CLPTM1L: variants seen among roughly 807,000 people sequenced by gnomAD.
CLPTM1L encodes the protein lipid scramblase CLPTM1L.
CLPTM1L carries 38 observed loss-of-function variants against 70.9 expected under a neutral mutation model. That is an observed-to-expected ratio of 0.54 (90% confidence interval 0.41 to 0.70). CLPTM1L has a LOEUF of 0.70. CLPTM1L is among the 30% of genes least tolerant of loss of function. The probability of loss-of-function intolerance (pLI) is 0.00; values close to 1 mark genes in which losing one functional copy is unlikely to be tolerated. For missense variants in CLPTM1L, 652 were observed against 705.9 expected, an observed-to-expected ratio of 0.92 and a Z score of 0.87; for synonymous variants, 339 against 299.9, an observed-to-expected ratio of 1.13 and a Z score of -1.35.
At chr5:1,338,404 G>C (rs1390294809) in intron 4 of CLPTM1L, 3 of 254,736 alleles carry the variant, frequency 1.2e-5, no homozygotes, top group Non-Finnish European at 2.2e-5. Flanking sequence ...TGTGGCGCAG[G>C]AGTTGGGGGG....
At chr5:1,343,731 T>A (rs1020492392) in intron 2 of CLPTM1L, among the ~76,000 whole-genome samples, 2 of 152,192 alleles carry the variant, frequency 1.3e-5, no homozygotes, top group African/African-American at 4.8e-5. Flanking sequence ...GAGTCCAGCA[T>A]GAGTCTCAAA....
rs755974954 is a variant in CLPTM1L, at chr5:1,321,812, A to G, written c.1323T>C (p.Tyr441=). Residue 441 remains tyrosine (Y), a synonymous_variant, in exon 14 of 17, where the codon TAT becomes TAC. Transcript: ENST00000320895. ...WLINSFVNGV[Y]AFGFLFMLPQ... is the part of the protein sequence containing the mutation. ...GCAGCATGAAGAGGAAACCAAAGGC[A>G]TAGACCCCTGCAGAAAGACAGACAG... 3.1e-6 allele frequency: 5 copies of G among 1,613,778 alleles called. No homozygotes were observed. The highest frequency in any genetic ancestry group is 1.3e-5 in the African/African-American group (1 of 74,932).
chr5:1,342,008 T>TGGTGTG lies in CLPTM1L; in HGVS notation c.264-149_264-148insCACACC. On this transcript the variant is annotated intron_variant, in intron 2 of 16. Transcript: ENST00000320895. This position sits in a 1 kb window ranked among gnomAD's most constrained non-coding sequence, Gnocchi z 4.3. ...ACCCACCTGCCCAGGGCTTTACGAG[T>TGGTGTG]CGTGTGTGTGTGTGTGTGTGTGTGT... is the stretch of plus-strand genomic sequence containing the variant. 1.8e-6 allele frequency: 1 copy of TGGTGTG among 564,178 alleles called. No individual in the cohort carries two copies. Among genetic ancestry groups the TGGTGTG allele is most frequent in the Non-Finnish European group, 3.0e-6 (1 of 332,376 alleles). The allele number at this position is 564,178 out of a possible 1,614,324, so 34.9% of individuals were successfully genotyped here.
intron 9 of CLPTM1L, among the ~76,000 whole-genome samples, chr5:1,327,862 C>G (rs1298404547): frequency 1.4e-3 from 184 of 132,876 alleles, no homozygotes; most frequent in African/African-American, 2.7e-3. Context: ...CCTCTACAGA[C>G]ACATTTCATC....
intron 13 of CLPTM1L, 91 bp from the exon 14 acceptor site, chr5:1,321,910 G>T: frequency 8.4e-7 from 1 of 1,183,788 alleles, no homozygotes; most frequent in Non-Finnish European, 1.2e-6. Context: ...GGAGGGCCGA[G>T]CTGCCACGTC....
At chr5:1,333,684 T>A (rs1753334946) in intron 7 of CLPTM1L, among the ~76,000 whole-genome samples, 1 of 96,948 alleles carries the variant, frequency 1.0e-5, no homozygotes, top group South Asian at 3.5e-4. Context: ...GGGGGACTAC[T>A]GTAGACACAC....
intron 3 of CLPTM1L, among the ~76,000 whole-genome samples, chr5:1,341,107 G>C (rs1455669788): frequency 6.6e-6 from 1 of 152,228 alleles, no homozygotes; most frequent in Admixed American, 6.5e-5. Flanking sequence ...ACACAAAGGT[G>C]GGTGTCAGAA....
rs1579643163 is a variant in CLPTM1L, at chr5:1,333,785, C to G, written c.891+504G>C. On this transcript the variant is annotated intron_variant, in intron 7 of 16. Transcript: ENST00000320895. ...CACACCGGATGAGGATAAGGGGGGACTACTGTATACACATCGGGTAAGGGG... is the reference window on the plus strand; with the variant it reads ...CACACCGGATGAGGATAAGGGGGGAGTACTGTATACACATCGGGTAAGGGG... 2.0e-5 allele frequency among the ~76,000 whole-genome samples: 3 copies of G among 151,758 alleles called. No individual in the cohort carries two copies. The East Asian group carries it at 5.8e-4, about 29-fold the overall frequency.
chr5:1,330,412 G>A (rs766625859), intron 8 of CLPTM1L, 29 bp from the exon 9 acceptor site: 2 of 1,590,056 alleles, frequency 1.3e-6, no homozygotes, highest in East Asian at 4.5e-5. Flanking sequence ...GGCTGGGAGG[G>A]GGTGCAGGGC....
At chr5:1,322,745 G>C (rs191654588) in intron 13 of CLPTM1L, 132 bp downstream of exon 13, 1 of 919,558 alleles carries the variant, frequency 1.1e-6, no homozygotes, top group Admixed American at 1.8e-5. Context: ...CCGCACATGT[G>C]CCAGAACAGG....
chr5:1,339,757 C>T (rs1579654090), intron 3 of CLPTM1L, among the ~76,000 whole-genome samples: 2 of 69,360 alleles, frequency 2.9e-5, no homozygotes, highest in Non-Finnish European at 2.8e-5. Context: ...GGAAAAACCG[C>T]GCCCGGACAG....
chr5:1,322,995 A>C, intron 12 of CLPTM1L, 84 bp from the exon 13 acceptor site: 1 of 1,374,808 alleles, frequency 7.3e-7, no homozygotes, highest in Non-Finnish European at 1.0e-6. Context: ...TTCTTTCATT[A>C]AAAATCCTCT....
At chr5:1,337,708 C>T (rs1430153929) in intron 5 of CLPTM1L, among the ~76,000 whole-genome samples, 196 bp downstream of exon 5, 3 of 152,204 alleles carry the variant, frequency 2.0e-5, no homozygotes, top group South Asian at 2.1e-4. Context: ...AGCCAGCCAA[C>T]GGCAAACCCA....
intron 10 of CLPTM1L, chr5:1,325,260 C>T (rs1177385030): frequency 2.8e-5 from 7 of 248,002 alleles, no homozygotes; most frequent in African/African-American, 4.4e-5. Context: ...CTGAGGGCCC[C>T]GCCTCAATCA....
At chr5:1,320,912 T>G (rs1246735322) in intron 15 of CLPTM1L, among the ~76,000 whole-genome samples, 181 bp from the exon 16 acceptor site, 1 of 152,176 alleles carries the variant, frequency 6.6e-6, no homozygotes, top group African/African-American at 2.4e-5. Context: ...TGTTCCCTCA[T>G]GGGCTCCCCA....
chr5:1,344,761 C>T lies in CLPTM1L; in HGVS notation c.81G>A (p.Met27Ile). The T allele has an allele frequency of 6.2e-7, 1 of 1,605,144 alleles. No individual in the cohort carries two copies. The highest frequency in any genetic ancestry group is 8.5e-7 in the Non-Finnish European group (1 of 1,176,742). Reference sequence around the variant, plus strand: ...ACGGGCGGGTGTAGACGATGCCGTACATGACCCAGCAGGTGTGCACCACGT... The same window carrying T: ...ACGGGCGGGTGTAGACGATGCCGTATATGACCCAGCAGGTGTGCACCACGT... Reference protein sequence around the residue: ...VVYVVHTCWVMYGIVYTRPCS... With the variant: ...VVYVVHTCWVIYGIVYTRPCS... Residue 27 changes from methionine (M) to isoleucine (I), a missense_variant, in exon 1 of 17, where the codon ATG becomes ATA. Around this residue, in one of 3 missense-constraint regions of CLPTM1L, gnomAD observed 402 missense variants for 388.2 expected, o/e 1.04. Transcript: ENST00000320895.
At position 1,331,793 on chromosome 5, in the gene CLPTM1L, G is replaced by A. The variant is rs752485426; in HGVS notation, c.976+6C>T. The A allele has an allele frequency of 1.9e-6, 3 of 1,612,636 alleles. No homozygotes were observed. The highest frequency in any genetic ancestry group is 1.7e-4 in the Middle Eastern group (1 of 6,052). On this transcript the variant is annotated splice_donor_region_variant and intron_variant, in intron 8 of 16. Coordinates refer to ENST00000320895, the MANE Select transcript of CLPTM1L (RefSeq NM_030782.5). ...ATCTGAGCAGGGCCACGCTCGGGGG[G>A]CCTACCTGCCTTGGTGGACATGCCG...
intron 8 of CLPTM1L, chr5:1,331,014 A>C (rs1273887893): frequency 6.5e-6 from 1 of 152,694 alleles, no homozygotes; most frequent in Non-Finnish European, 1.5e-5. Context: ...TGCGAGAAAA[A>C]CAACTTGTTC....
intron 9 of CLPTM1L, among the ~76,000 whole-genome samples, chr5:1,330,024 G>A (rs1006012411): frequency 6.6e-6 from 1 of 151,034 alleles, no homozygotes; most frequent in Non-Finnish European, 1.5e-5. Flanking sequence ...GGTGGACAGG[G>A]CCTCAGGACT....
Sources: gnomAD v4.1 joint callset for allele counts (sites outside exome capture counted in the v4.1 genomes callset) on GRCh38, gnomAD v4.1.1 for gene constraint, gnomAD v4.1.1 regional missense constraint, Gnocchi (gnomAD v3.1) non-coding constraint, MANE v1.5 for transcripts, NCBI Gene and HGNC (gene_info 2026-07-23, HGNC 2026-07-21) for gene names.